PEAK1: variants seen among roughly 807,000 people sequenced by gnomAD.
PEAK1 encodes the protein pseudopodium enriched atypical kinase 1.
PEAK1 carries 54 observed loss-of-function variants against 124.7 expected under a neutral mutation model. The observed-to-expected ratio is 0.43, with a 90% CI of 0.35 to 0.54. PEAK1 has a LOEUF of 0.54. PEAK1 is among the 20% of genes least tolerant of loss of function. The probability of loss-of-function intolerance (pLI) is 0.01; values close to 1 mark genes in which losing one functional copy is unlikely to be tolerated. For synonymous variants in PEAK1, 719 were observed against 760.0 expected, an observed-to-expected ratio of 0.95 and a Z score of 0.89; for missense variants, 2,046 against 2,134.5, an observed-to-expected ratio of 0.96 and a Z score of 0.82.
chr15:77,114,500 G>C lies in PEAK1; in HGVS notation c.4897C>G (p.Pro1633Ala), dbSNP rs774762414. 4.2e-5 allele frequency: 68 copies of C among 1,613,932 alleles called. No individual in the cohort carries two copies. Among genetic ancestry groups the C allele is most frequent in the Non-Finnish European group, 5.7e-5 (67 of 1,179,984 alleles). ...AGCTGCTGCAGACCCCGGGAGTAGG[G>C]GGAGCGGAATGGGATGCGAGGCAGG... ...ADLPRIPFRS[P>A]YSRGLQQLAS... is the part of the protein sequence containing the mutation. The change falls in exon 10 of 10, where the codon CCC (proline) becomes GCC (alanine). Residue 1633 changes from proline to alanine, a missense_variant. Transcript: ENST00000682557.
intron 6 of PEAK1, among the ~76,000 whole-genome samples, chr15:77,248,741 T>C (rs1006219559): frequency 1.4e-4 from 21 of 152,210 alleles, no homozygotes; most frequent in African/African-American, 4.8e-4. Flanking sequence ...CTAAGAATAT[T>C]AAAAGTGAAT....
intron 1 of PEAK1, among the ~76,000 whole-genome samples, chr15:77,374,458 T>C (rs978015070): frequency 1.3e-5 from 2 of 152,174 alleles, no homozygotes; most frequent in African/African-American, 2.4e-5. Flanking sequence ...ATAAAATATA[T>C]ATCACACTAA....
At chr15:77,381,455 A>G in intron 1 of PEAK1, 2 of 964,486 alleles carry the variant, frequency 2.1e-6, no homozygotes, top group Non-Finnish European at 2.5e-6. Context: ...CTTTAAAAGA[A>G]TAAGGCAATG....
intron 1 of PEAK1, among the ~76,000 whole-genome samples, chr15:77,389,221 T>C (rs1464688592): frequency 1.3e-5 from 2 of 152,200 alleles, no homozygotes; most frequent in East Asian, 1.9e-4. Context: ...TCCCAAAGTG[T>C]TGGGATTACA....
At chr15:77,149,807 T>C (rs774651151) in intron 8 of PEAK1, among the ~76,000 whole-genome samples, 1 of 151,970 alleles carries the variant, frequency 6.6e-6, no homozygotes, top group Non-Finnish European at 1.5e-5. Flanking sequence ...TGCAAAGCAG[T>C]GGTGCAATCT....
rs116719630 is a variant in PEAK1 at position 77,287,330 on chromosome 15, T to C, written c.-602-826A>G. ...AATGATACGAATTAAAAAATATTTG[T>C]CAAGTAATGAAAATGGATAAAATAT... On this transcript the variant is annotated intron_variant, in intron 2 of 9. Transcript: ENST00000682557. 5.4e-3 allele frequency among the ~76,000 whole-genome samples: 815 copies of C among 152,326 alleles called. 11 individuals carry two copies. Among genetic ancestry groups the C allele is most frequent in the African/African-American group, 0.017 (699 of 41,582 alleles).
chr15:77,114,896 A>G lies in PEAK1; in HGVS notation c.4501T>C (p.Cys1501Arg). The G allele has an allele frequency of 1.2e-6, 2 of 1,613,988 alleles. No individual in the cohort carries two copies. Among genetic ancestry groups the G allele is most frequent in the Non-Finnish European group, 1.7e-6 (2 of 1,180,022 alleles). The change falls in exon 10 of 10, where the codon TGC (cysteine) becomes CGC (arginine). Residue 1501 changes from cysteine (C) to arginine (R), a missense_variant. Cys to Arg is a radical substitution (Grantham distance 180). Coordinates refer to ENST00000682557, the MANE Select transcript of PEAK1 (RefSeq NM_001385026.1). ...RQVCLLLLQL[C>R]SGLEHLKPYH... ...GGTTTGAGGTGCTCAAGACCAGAGC[A>G]TAGCTGTAAGAGCAGCAGACACACC...
At chr15:77,345,593 A>G (rs930320894) in intron 2 of PEAK1, among the ~76,000 whole-genome samples, 2 of 152,186 alleles carry the variant, frequency 1.3e-5, no homozygotes, top group Non-Finnish European at 2.9e-5. Flanking sequence ...GTGAACCAAC[A>G]CTTCATTTGA....
At chr15:77,222,457 C>T (rs569060612) in intron 6 of PEAK1, among the ~76,000 whole-genome samples, 2 of 151,968 alleles carry the variant, frequency 1.3e-5, no homozygotes, top group Admixed American at 6.6e-5. Flanking sequence ...TCCCAATGAT[C>T]TTATGCATTT....
At chr15:77,276,006 A>G (rs758641492) in intron 5 of PEAK1, among the ~76,000 whole-genome samples, 55 of 152,152 alleles carry the variant, frequency 3.6e-4, no homozygotes, top group Non-Finnish European at 6.8e-4. Flanking sequence ...ATGTGACAGA[A>G]GAAGGAATCA....
chr15:77,218,821 T>C (rs1250082869), intron 6 of PEAK1, among the ~76,000 whole-genome samples: 1 of 152,134 alleles, frequency 6.6e-6, no homozygotes, highest in East Asian at 1.9e-4. Context: ...TGTTTTTCCA[T>C]GTGTGGGCCA....
intron 1 of PEAK1, among the ~76,000 whole-genome samples, chr15:77,397,149 C>T (rs1046917686): frequency 6.6e-6 from 1 of 152,030 alleles, no homozygotes; most frequent in Non-Finnish European, 1.5e-5. Context: ...AAATCAATAA[C>T]AAGAGGAATT....
rs182415536 is a variant in PEAK1 at position 77,163,519 on chromosome 15, T to C, written c.3138-4823A>G. Among the ~76,000 whole-genome samples, 557 of 152,280 alleles carry C rather than the reference T, an allele frequency of 3.7e-3. 5 individuals are homozygous for C. The highest frequency in any genetic ancestry group is 0.013 in the African/African-American group (520 of 41,520). On this transcript the variant is annotated intron_variant, in intron 7 of 9. Coordinates refer to ENST00000682557, the MANE Select transcript of PEAK1 (RefSeq NM_001385026.1). ...ATCATTACACCATCTAATGAAATAA[T>C]CCTTTTTTTGTTTCTCTGGGATATT...
intron 9 of PEAK1, among the ~76,000 whole-genome samples, chr15:77,119,795 A>C (rs1156282439): frequency 6.6e-6 from 1 of 152,230 alleles, no homozygotes; most frequent in Non-Finnish European, 1.5e-5. Context: ...CATACCTTTA[A>C]GGCAAATTTG....
intron 1 of PEAK1, among the ~76,000 whole-genome samples, chr15:77,375,778 G>C (rs1208768336): frequency 6.6e-6 from 1 of 152,052 alleles, no homozygotes; most frequent in Admixed American, 6.6e-5. Flanking sequence ...GGTGGATCAC[G>C]AAGTCAGGAG....
In PEAK1 at chr15:77,115,023, G is replaced by C; in HGVS notation, c.4374C>G (p.His1458Gln). 1 of 1,614,122 alleles carries C rather than the reference G, an allele frequency of 6.2e-7. No individual in the cohort carries two copies. The highest frequency in any genetic ancestry group is 8.5e-7 in the Non-Finnish European group (1 of 1,180,026). The change falls in exon 10 of 10, where the codon CAC becomes CAG. Residue 1458 changes from histidine to glutamine, a missense_variant. By Grantham distance (24) the His-to-Gln change is conservative. Coordinates refer to ENST00000682557, the MANE Select transcript of PEAK1 (RefSeq NM_001385026.1). ...QGVMSKKQRS[H>Q]VVVITREVPC... ...GAACCTCCCTGGTGATGACCACAACGTGGCTCCTCTGCTTCTTGCTCATGA... is the reference window on the plus strand; with the variant it reads ...GAACCTCCCTGGTGATGACCACAACCTGGCTCCTCTGCTTCTTGCTCATGA...
intron 8 of PEAK1, among the ~76,000 whole-genome samples, chr15:77,141,802 C>T (rs1362097974): frequency 6.6e-6 from 1 of 152,040 alleles, no homozygotes; most frequent in African/African-American, 2.4e-5. Flanking sequence ...CAAAATAATG[C>T]TATTGAATCC....
At chr15:77,312,413 C>T (rs1035387442) in intron 2 of PEAK1, among the ~76,000 whole-genome samples, 1 of 152,132 alleles carries the variant, frequency 6.6e-6, no homozygotes. Context: ...TTTATGGAGG[C>T]TTACACATGG....
intron 9 of PEAK1, among the ~76,000 whole-genome samples, chr15:77,131,447 C>T (rs369599426): frequency 1.3e-5 from 2 of 152,294 alleles, no homozygotes; most frequent in East Asian, 1.9e-4. Context: ...GAGCCAAGAT[C>T]GTGCCACTGC....
Sources: allele counts gnomAD v4.1 joint callset (sites outside exome capture counted in the v4.1 genomes callset), GRCh38; gene constraint gnomAD v4.1.1; transcripts MANE v1.5; gene names NCBI Gene and HGNC (gene_info 2026-07-23, HGNC 2026-07-21).